The following AGBL1 variants were observed in gnomAD, a reference collection of about 807,000 sequenced individuals.
AGBL1 encodes cytosolic carboxypeptidase 4.
Under a neutral mutation model 118.9 loss-of-function variants are expected in AGBL1, and 130 were observed. The observed-to-expected ratio is 1.09, with a 90% CI of 0.95 to 1.26. The LOEUF (loss-of-function observed/expected upper bound fraction) is 1.26, where lower values mean the gene tolerates loss of function less well. Among genes scored for constraint, AGBL1 ranks in the 50% most tolerant of loss-of-function variants. The pLI, the probability that AGBL1 is intolerant of heterozygous loss-of-function variation, is 0.00. For missense variants in AGBL1, 1,584 were observed against 1,298.1 expected (o/e 1.22, Z -3.38); for synonymous variants, 555 against 478.9 (o/e 1.16, Z -2.08).
intron 24 of AGBL1, chr15:86,988,269 A>G (rs923397083): frequency 3.2e-6 from 2 of 633,526 alleles, no homozygotes; most frequent in Non-Finnish European, 5.3e-6. Context: ...AAGTGGTTGC[A>G]ACGATTTACA....
At chr15:86,213,852 A>C (rs576339107) in intron 5 of AGBL1, among the ~76,000 whole-genome samples, 1 of 152,204 alleles carries the variant, frequency 6.6e-6, no homozygotes, top group Non-Finnish European at 1.5e-5. Flanking sequence ...TATTTCCACT[A>C]TCTACTGTCA....
Position 86,421,068 on chromosome 15 carries a change from T to A in AGBL1, c.2555+23522T>A, listed in dbSNP as rs149440707. Among the ~76,000 whole-genome samples the A allele has an allele frequency of 2.6e-5, 4 of 152,238 alleles. No individual in the cohort carries two copies. In the East Asian group the frequency reaches 7.7e-4, roughly 29 times the overall value. ...ATTATCCGGGAAAACTTCCCCAACCTAGCAAAACAGGCCAACATTCCAATT... is the reference window on the plus strand; with the variant it reads ...ATTATCCGGGAAAACTTCCCCAACCAAGCAAAACAGGCCAACATTCCAATT... On this transcript the variant is annotated intron_variant, in intron 18 of 22. Coordinates refer to ENST00000614907, the MANE Select transcript of AGBL1 (RefSeq NM_001386094.1).
intron 19 of AGBL1, among the ~76,000 whole-genome samples, chr15:86,529,935 C>G (rs1397789229): frequency 7.3e-6 from 1 of 136,904 alleles, no homozygotes; most frequent in East Asian, 2.2e-4. Flanking sequence ...ACCAGGCCTG[C>G]CCTAAAAGAG....
chr15:86,881,676 G>A (rs1426051119), intron 22 of AGBL1, among the ~76,000 whole-genome samples: 5 of 152,016 alleles, frequency 3.3e-5, no homozygotes, highest in African/African-American at 7.2e-5. Flanking sequence ...ACTGTGTCAC[G>A]CAGGCTGGAG....
At chr15:86,178,995 G>A (rs2077518599) in intron 5 of AGBL1, among the ~76,000 whole-genome samples, 1 of 152,194 alleles carries the variant, frequency 6.6e-6, no homozygotes, top group African/African-American at 2.4e-5. Flanking sequence ...GAAGGGTAGA[G>A]GATATAGGTT....
At chr15:86,496,182 C>G (rs2142151974) in intron 18 of AGBL1, among the ~76,000 whole-genome samples, 1 of 152,082 alleles carries the variant, frequency 6.6e-6, no homozygotes, top group East Asian at 1.9e-4. Flanking sequence ...TGAGTTTTCA[C>G]AATATCTGAT....
intron 5 of AGBL1, among the ~76,000 whole-genome samples, chr15:86,185,644 A>G (rs1056419763): frequency 4.6e-5 from 7 of 151,992 alleles, no homozygotes; most frequent in Non-Finnish European, 8.8e-5. Context: ...TTCTCAGCAA[A>G]CTATCTCAAG....
At chr15:86,797,368 A>C (rs1325519120) in intron 22 of AGBL1, among the ~76,000 whole-genome samples, 3 of 152,228 alleles carry the variant, frequency 2.0e-5, no homozygotes, top group African/African-American at 4.8e-5. Flanking sequence ...TCATGCTCTA[A>C]GAATAGAATG....
intron 5 of AGBL1, among the ~76,000 whole-genome samples, chr15:86,161,685 A>G (rs1009033465): frequency 1.3e-5 from 2 of 152,154 alleles, no homozygotes; most frequent in African/African-American, 2.4e-5. Flanking sequence ...TCAGTTGGCT[A>G]TTTCCTCTCA....
At position 86,702,855 on chromosome 15, in the gene AGBL1, G is replaced by A. The variant is rs541642672; in HGVS notation, c.3158+28419G>A. ...TTGCCCAGTCTCCTGGGGTAATTAC[G>A]TCAACCTCCAATGACTTGGACTATA... On this transcript the variant is annotated intron_variant, in intron 22 of 22. Transcript: ENST00000614907. 2.2e-3 allele frequency among the ~76,000 whole-genome samples: 267 copies of A among 123,676 alleles called. 4 individuals carry two copies. In the East Asian group the frequency reaches 0.05, roughly 23 times the overall value. 81.1% of individuals were successfully genotyped at this position (123,676 alleles called of 152,430 possible).
At position 86,279,780 on chromosome 15, in the gene AGBL1, C is replaced by T. The variant is rs188499359; in HGVS notation, c.2217C>T (p.Leu739=). ...AYHYPYTYTA[L]MTHLDILEKS... is the part of the protein sequence containing the mutation. ...ACTATCCCTATACCTACACAGCCCT[C>T]ATGGTAACTTCCTCTTTATAGCATC... Residue 739 remains leucine, a synonymous_variant, in exon 16 of 23, where the codon CTC becomes CTT. Coordinates refer to ENST00000614907, the MANE Select transcript of AGBL1 (RefSeq NM_001386094.1). 6.8e-6 allele frequency: 11 copies of T among 1,613,624 alleles called. No homozygotes were observed. In the Middle Eastern group the frequency reaches 8.3e-4, roughly 121 times the overall value.
chr15:86,889,833 G>A (rs1185474327), intron 22 of AGBL1, among the ~76,000 whole-genome samples: 1 of 152,070 alleles, frequency 6.6e-6, no homozygotes, highest in East Asian at 1.9e-4. Flanking sequence ...CTTTGCTATT[G>A]CGAATAGTGC....
At chr15:86,751,862 T>C (rs925127123) in intron 22 of AGBL1, among the ~76,000 whole-genome samples, 2 of 152,052 alleles carry the variant, frequency 1.3e-5, no homozygotes, top group African/African-American at 4.8e-5. Context: ...GCACAGACAA[T>C]GGTAAAGCCC....
chr15:86,228,799 G>A (rs557832110), intron 6 of AGBL1, among the ~76,000 whole-genome samples: 21 of 152,306 alleles, frequency 1.4e-4, no homozygotes, highest in African/African-American at 4.6e-4. Context: ...CACATTTCCC[G>A]TCTCTGTCTC....
chr15:86,364,996 C>CAT (rs1474890583), intron 17 of AGBL1, among the ~76,000 whole-genome samples: 1 of 70,946 alleles, frequency 1.4e-5, no homozygotes, highest in Non-Finnish European at 3.1e-5. Flanking sequence ...TATACACACA[C>CAT]ACATATATAT....
chr15:86,405,921 T>C (rs887637550), intron 18 of AGBL1, among the ~76,000 whole-genome samples: 2 of 152,194 alleles, frequency 1.3e-5, no homozygotes, highest in Middle Eastern at 3.4e-3. Context: ...TACCAGAACC[T>C]AGCAGGTTGA....
chr15:86,508,482 A>G (rs1319306691), intron 18 of AGBL1, among the ~76,000 whole-genome samples: 1 of 152,160 alleles, frequency 6.6e-6, no homozygotes, highest in African/African-American at 2.4e-5. Context: ...ACCTGGGATC[A>G]AATTCATGCT....
At position 86,399,547 on chromosome 15, in the gene AGBL1, A is replaced by G. The variant is rs148676022; in HGVS notation, c.2555+2001A>G. On this transcript the variant is annotated intron_variant, in intron 18 of 22. Transcript: ENST00000614907. ...CTAGTCAGTTTTCTCTTCTGTTGGA[A>G]GAGGAAGACAACATGCTCCCTGTTG... Among the ~76,000 whole-genome samples the G allele has an allele frequency of 4.7e-3, 719 of 152,280 alleles. 3 individuals carry two copies. The highest frequency in any genetic ancestry group is 0.016 in the African/African-American group (684 of 41,568).
rs1443719624 is a variant in AGBL1 at position 86,911,323 on chromosome 15, C to T, written c.*4029C>T. 6.6e-6 allele frequency: 1 copy of T among 152,338 alleles called. No individual in the cohort carries two copies. The highest frequency in any genetic ancestry group is 1.5e-5 in the Non-Finnish European group (1 of 68,190). The allele number at this position is 152,338 out of a possible 1,614,324, so 9.4% of individuals were successfully genotyped here. ...GCAAAGGTTGGGAGCTTTCTGATTT[C>T]ACCTTTAAGATAGTCCCATTGTTAG... On this transcript the variant is annotated 3_prime_UTR_variant, in exon 23 of 23. Transcript: ENST00000614907.
Sources: gnomAD v4.1 joint callset for allele counts (sites outside exome capture counted in the v4.1 genomes callset) on GRCh38, gnomAD v4.1.1 for gene constraint, MANE v1.5 for transcripts, NCBI Gene and HGNC (gene_info 2026-07-23, HGNC 2026-07-21) for gene names.